The following RPH3AL variants were observed in gnomAD, a reference collection of about 807,000 sequenced individuals.
RPH3AL encodes rabphilin 3A like (without C2 domains).
RPH3AL carries 38 observed loss-of-function variants against 43.1 expected under a neutral mutation model. The ratio of observed to expected loss-of-function variants is 0.88; its 90% confidence interval spans 0.68 to 1.15. RPH3AL has a LOEUF of 1.15. RPH3AL is among the 50% of genes most tolerant of loss of function. The pLI is 0.00. For missense variants in RPH3AL, 462 were observed against 423.2 expected, an observed-to-expected ratio of 1.09 and a Z score of -0.81; for synonymous variants, 189 against 176.3, an observed-to-expected ratio of 1.07 and a Z score of -0.57.
intron 7 of RPH3AL, among the ~76,000 whole-genome samples, chr17:229,776 G>A (rs2041187096): frequency 6.6e-6 from 1 of 152,078 alleles, no homozygotes; most frequent in Non-Finnish European, 1.5e-5. Flanking sequence ...GCAGGGTTGG[G>A]GGAAACACGC....
intron 1 of RPH3AL, among the ~76,000 whole-genome samples, chr17:342,910 A>G (rs59594852): frequency 0.058 from 8,801 of 152,306 alleles, 818 homozygotes; most frequent in African/African-American, 0.2. Context: ...CTGGGTTCCA[A>G]AAACAAGAAA....
intron 6 of RPH3AL, among the ~76,000 whole-genome samples, chr17:273,312 A>G (rs1189578045): frequency 7.7e-5 from 7 of 90,818 alleles, no homozygotes; most frequent in African/African-American, 2.1e-4. Context: ...GAGAGACCCC[A>G]GCGAGGGTGA....
At chr17:320,165 T>G (rs1457267225) in intron 4 of RPH3AL, among the ~76,000 whole-genome samples, 3 of 8,206 alleles carry the variant, frequency 3.7e-4, no homozygotes, top group Non-Finnish European at 5.6e-4. Context: ...GGGAGGGACA[T>G]TGAGGGGAGG....
intron 8 of RPH3AL, 59 bp downstream of exon 8, chr17:219,564 T>C: frequency 1.9e-6 from 1 of 525,152 alleles, no homozygotes; most frequent in East Asian, 3.5e-5. Context: ...TCGCTCCTGT[T>C]GCCCAGGCTG....
chr17:248,826 G>A (rs562868303), intron 6 of RPH3AL, among the ~76,000 whole-genome samples: 6 of 152,350 alleles, frequency 3.9e-5, no homozygotes, highest in African/African-American at 1.4e-4. Context: ...GATAGCTGCT[G>A]AGAAAGTTGG....
At chr17:310,761 T>A (rs902866456) in intron 5 of RPH3AL, among the ~76,000 whole-genome samples, 8 of 152,108 alleles carry the variant, frequency 5.3e-5, no homozygotes, top group Non-Finnish European at 8.8e-5. Context: ...CACCAGTCGG[T>A]GTGCGATAAA....
At chr17:350,630 A>C (rs956205488) in intron 1 of RPH3AL, among the ~76,000 whole-genome samples, 2 of 152,212 alleles carry the variant, frequency 1.3e-5, no homozygotes, top group Admixed American at 6.5e-5. Context: ...AAAAAGTTCC[A>C]AACACAGTAT....
chr17:260,394 TG>T (rs1165407461), intron 6 of RPH3AL, among the ~76,000 whole-genome samples: 1 of 152,200 alleles, frequency 6.6e-6, no homozygotes, highest in Non-Finnish European at 1.5e-5. Context: ...AGGGCAGGGC[TG>T]TGCCTGAGCC....
Position 235,597 on chromosome 17 carries a change from A to G in RPH3AL, c.613+11514T>C, listed in dbSNP as rs113785801. On this transcript the variant is annotated intron_variant, in intron 7 of 9. Transcript: ENST00000331302. ...TGGAGGCTCCACACTAACAAGACGG[A>G]TCCCGGGTTCAAAGCTGGGGTCGGC... 6.1e-3 allele frequency among the ~76,000 whole-genome samples: 483 copies of G among 79,376 alleles called. 1 individual carries two copies. The highest frequency in any genetic ancestry group is 7.2e-3 in the Non-Finnish European group (272 of 37,608). 52.1% of individuals were successfully genotyped at this position (79,376 alleles called of 152,430 possible).
At chr17:347,262 T>G (rs2045255166) in intron 1 of RPH3AL, among the ~76,000 whole-genome samples, 1 of 151,288 alleles carries the variant, frequency 6.6e-6, no homozygotes, top group Non-Finnish European at 1.5e-5. Flanking sequence ...CGTCCCAGAT[T>G]TTAAAAAAAT....
rs182933359 is a variant in RPH3AL, at chr17:271,740, C to T, written c.438+10028G>A. 2.4e-3 allele frequency among the ~76,000 whole-genome samples: 366 copies of T among 152,272 alleles called. 4 individuals are homozygous for T. The highest frequency in any genetic ancestry group is 8.6e-3 in the African/African-American group (359 of 41,558). ...TAGGGACAATTTGACTTCCTCTTTT[C>T]CTAATTGAATACCCTTTATTTCTTT... On this transcript the variant is annotated intron_variant, in intron 6 of 9. Coordinates refer to ENST00000331302, the MANE Select transcript of RPH3AL (RefSeq NM_006987.4).
chr17:258,658 G>T (rs2042125046), intron 6 of RPH3AL, among the ~76,000 whole-genome samples: 1 of 151,442 alleles, frequency 6.6e-6, no homozygotes, highest in African/African-American at 2.4e-5. Context: ...CTCAATTCCT[G>T]CTCAGTGACG....
At chr17:244,239 T>TTGATTACCCTTCCTCTAC (rs1555538723) in intron 7 of RPH3AL, among the ~76,000 whole-genome samples, 8 of 148,546 alleles carry the variant, frequency 5.4e-5, no homozygotes, top group Non-Finnish European at 1.1e-4. Flanking sequence ...CCTTCCTCTA[T>TTGATTACCCTTCCTCTAC]TGATTACCTT....
At chr17:292,523 C>T (rs2043070447) in intron 5 of RPH3AL, among the ~76,000 whole-genome samples, 1 of 152,200 alleles carries the variant, frequency 6.6e-6, no homozygotes, top group Non-Finnish European at 1.5e-5. Flanking sequence ...CACAAGGGAT[C>T]TGAGACTTGA....
rs142880831 is a variant in RPH3AL at position 284,647 on chromosome 17, C to T, written c.352-2793G>A. Among the ~76,000 whole-genome samples, 285 of 152,230 alleles carry T rather than the reference C, an allele frequency of 1.9e-3. 3 individuals carry two copies. The highest frequency in any genetic ancestry group is 5.8e-3 in the African/African-American group (239 of 41,562). ...AGGAGGCCCGGCAGCCTCTCCATTG[C>T]ACCCCACAGGTGCCCTCGCAGCCTG... is the stretch of plus-strand genomic sequence containing the variant. On this transcript the variant is annotated intron_variant, in intron 5 of 9. Coordinates refer to ENST00000331302, the MANE Select transcript of RPH3AL (RefSeq NM_006987.4).
intron 6 of RPH3AL, among the ~76,000 whole-genome samples, chr17:248,702 C>G (rs111413146): frequency 6.6e-6 from 1 of 152,212 alleles, no homozygotes; most frequent in Admixed American, 6.5e-5. Flanking sequence ...TCCTGCTGTC[C>G]CTGGAAGCAA....
chr17:272,762 T>TCACACACACACACA (rs71143491), intron 6 of RPH3AL, among the ~76,000 whole-genome samples: 26 of 145,754 alleles, frequency 1.8e-4, no homozygotes, highest in African/African-American at 6.6e-4. Flanking sequence ...ATTATTTAAG[T>TCACACACACACACA]CACACACACA....
intron 6 of RPH3AL, among the ~76,000 whole-genome samples, chr17:253,073 A>G (rs2151556134): frequency 1.3e-5 from 2 of 152,296 alleles, no homozygotes; most frequent in Middle Eastern, 6.8e-3. Context: ...GTGGAATCCA[A>G]GGCCTCCTCT....
At chr17:258,283 C>T (rs2042111633) in intron 6 of RPH3AL, among the ~76,000 whole-genome samples, 1 of 152,210 alleles carries the variant, frequency 6.6e-6, no homozygotes, top group South Asian at 2.1e-4. Flanking sequence ...CTAGCACACG[C>T]CTCACACATC....
Sources: allele counts gnomAD v4.1 joint callset (sites outside exome capture counted in the v4.1 genomes callset), GRCh38; gene constraint gnomAD v4.1.1; transcripts MANE v1.5; gene names NCBI Gene and HGNC (gene_info 2026-07-23, HGNC 2026-07-21).